SLC25A25: variants seen among roughly 807,000 people sequenced by gnomAD.
The protein encoded by SLC25A25 is mitochondrial adenyl nucleotide antiporter SLC25A25.
A neutral mutation model predicts 57.7 loss-of-function variants in SLC25A25; 32 were observed. The observed-to-expected ratio is 0.55, with a 90% CI of 0.42 to 0.74. The LOEUF is 0.74. SLC25A25 is among the 30% of genes least tolerant of loss of function. SLC25A25 has a pLI of 0.00. For synonymous variants in SLC25A25, 306 were observed against 291.2 expected, an observed-to-expected ratio of 1.05 and a Z score of -0.52; for missense variants, 556 against 701.3, an observed-to-expected ratio of 0.79 and a Z score of 2.34.
At chr9:128,098,744 C>A (rs749118269) in intron 1 of SLC25A25, 2 of 1,612,170 alleles carry the variant, frequency 1.2e-6, no homozygotes, top group South Asian at 1.1e-5. Flanking sequence ...GGTGACCGCG[C>A]GGAAGGGAGA....
At position 128,068,577 on chromosome 9, in the gene SLC25A25, C is replaced by T; in HGVS notation, c.258C>T (p.Leu86=). 2 of 1,413,774 alleles carry T rather than the reference C, an allele frequency of 1.4e-6. No individual in the cohort carries two copies. The highest frequency in any genetic ancestry group is 1.8e-6 in the Non-Finnish European group (2 of 1,086,462). The allele number at this position is 1,413,774 out of a possible 1,614,324, so 87.6% of individuals were successfully genotyped here. A position where few individuals can be genotyped will look rare whatever the true frequency, so the allele number is the denominator to read the frequency against. The part of the protein sequence containing the change: ...RLGLHRTEGE[L]QKIVQAGDKD... ...GACTGCACCGCACCGAGGGCGAGCT[C>T]CAGGTAGGCTGCGCGCGTCCTCAGC... Residue 86 remains leucine, a synonymous_variant, in exon 1 of 11, where the codon CTC becomes CTT. Coordinates refer to ENST00000373069, the MANE Select transcript of SLC25A25 (RefSeq NM_001330988.2).
In SLC25A25 at chr9:128,068,515, T is replaced by C. The variant is rs754518150; in HGVS notation, c.196T>C (p.Cys66Arg). 6.6e-7 allele frequency: 1 copy of C among 1,505,026 alleles called. No individual in the cohort carries two copies. The highest frequency in any genetic ancestry group is 8.8e-7 in the Non-Finnish European group (1 of 1,133,176). 93.2% of individuals were successfully genotyped at this position (1,505,026 alleles called of 1,614,324 possible). The stretch of plus-strand genomic sequence containing the variant: ...CGACGTCAACCGGGACGGCGGCCTG[T>C]GTGTCAACGACCTGGCGGTGGGGCT... ...TLDVNRDGGL[C>R]VNDLAVGLRR... Residue 66 changes from cysteine (C) to arginine (R), a missense_variant, in exon 1 of 11, where the codon TGT becomes CGT. By Grantham distance (180) the Cys-to-Arg change is radical. Transcript: ENST00000373069.
rs1300742449 is a variant in SLC25A25, at chr9:128,107,353, C to T, written c.1457C>T (p.Ala486Val). Residue 486 changes from alanine to valine, a missense_variant, in exon 11 of 11, where the codon GCC becomes GTC. Ala to Val is a moderately conservative substitution (Grantham distance 64). This residue lies in a region of SLC25A25 where 294 missense variants were observed against 389.6 expected (regional missense o/e 0.75). Coordinates refer to ENST00000373069, the MANE Select transcript of SLC25A25 (RefSeq NM_001330988.2). Reference protein sequence around the residue: ...EGAFGLYRGLAPNFMKVIPAV... With the variant: ...EGAFGLYRGLVPNFMKVIPAV... ...GCCTTCGGGCTGTACAGGGGGCTGG[C>T]CCCCAACTTCATGAAGGTCATCCCA... 2.6e-6 allele frequency: 4 copies of T among 1,517,342 alleles called. No homozygotes were observed. Among genetic ancestry groups the T allele is most frequent in the Admixed American group, 2.2e-5 (1 of 45,594 alleles). The allele number at this position is 1,517,342 out of a possible 1,614,324, so 94.0% of individuals were successfully genotyped here. A position where few individuals can be genotyped will look rare whatever the true frequency, so the allele number is the denominator to read the frequency against.
At position 128,106,071 on chromosome 9, in the gene SLC25A25, G is replaced by A. The variant is rs1168329235; in HGVS notation, c.937-79G>A. On this transcript the variant is annotated intron_variant, in intron 7 of 10. Coordinates refer to ENST00000373069, the MANE Select transcript of SLC25A25 (RefSeq NM_001330988.2). ...TTCTGGGTAGCATAAAATGTGCCGGGGACTCCTGGAAGGGAGGGGCAGCAG... is the reference window on the plus strand; with the variant it reads ...TTCTGGGTAGCATAAAATGTGCCGGAGACTCCTGGAAGGGAGGGGCAGCAG... The A allele has an allele frequency of 9.5e-6, 15 of 1,579,444 alleles. No individual in the cohort carries two copies. The East Asian group carries it at 2.9e-4, about 31-fold the overall frequency.
intron 1 of SLC25A25, among the ~76,000 whole-genome samples, chr9:128,070,715 G>A (rs1226131759): frequency 2.0e-5 from 3 of 151,196 alleles, no homozygotes; most frequent in Non-Finnish European, 4.4e-5. Context: ...ACTTTGGGAG[G>A]CCAAGCCGGG....
intron 1 of SLC25A25, among the ~76,000 whole-genome samples, chr9:128,072,704 A>C (rs1417337676): frequency 6.6e-6 from 1 of 152,144 alleles, no homozygotes; most frequent in Non-Finnish European, 1.5e-5. Context: ...GGACAAAAAA[A>C]GGGAAGAGTT....
Position 128,107,404 on chromosome 9 carries a change from A to G in SLC25A25, c.1508A>G (p.Tyr503Cys), listed in dbSNP as rs1834095357. ...IPAVSISYVV[Y>C]ENLKITLGVQ... ...GCTGTGAGCATCAGCTACGTGGTCT[A>G]CGAGAACCTGAAGATCACCCTGGGC... The change falls in exon 11 of 11, where the codon TAC becomes TGC. Residue 503 changes from tyrosine to cysteine, a missense_variant. Physicochemically the swap from Tyr to Cys is radical, Grantham distance 194. This residue lies in a region of SLC25A25 where 294 missense variants were observed against 389.6 expected (regional missense o/e 0.75). Transcript: ENST00000373069. 1 of 1,509,236 alleles carries G rather than the reference A, an allele frequency of 6.6e-7. No homozygotes were observed. The highest frequency in any genetic ancestry group is 8.9e-7 in the Non-Finnish European group (1 of 1,128,018). 93.5% of individuals were successfully genotyped at this position (1,509,236 alleles called of 1,614,324 possible). A position where few individuals can be genotyped will look rare whatever the true frequency, so the allele number is the denominator to read the frequency against.
chr9:128,106,865 G>C (rs1311795411), intron 9 of SLC25A25, among the ~76,000 whole-genome samples, 164 bp from the exon 10 acceptor site: 1 of 152,150 alleles, frequency 6.6e-6, no homozygotes, highest in Non-Finnish European at 1.5e-5. Context: ...CCTTGTCCCG[G>C]AATTCCCAGT....
At chr9:128,080,294 G>C (rs748438571) in intron 1 of SLC25A25, among the ~76,000 whole-genome samples, 16 of 145,780 alleles carry the variant, frequency 1.1e-4, no homozygotes, top group Non-Finnish European at 1.9e-4. Flanking sequence ...AGGTTGCAGT[G>C]AGCTGAGATC....
At position 128,102,187 on chromosome 9, in the gene SLC25A25, C is replaced by T; in HGVS notation, c.512+72C>T. ...TGATCAGAGCGGGATTCTTGTGGGC[C>T]ATTATATTGCCATTGTTGTGCTAAG... On this transcript the variant is annotated intron_variant, in intron 4 of 10. Transcript: ENST00000373069. This position sits in a 1 kb window ranked among gnomAD's most constrained non-coding sequence, Gnocchi z 4.1. 6.6e-7 allele frequency: 1 copy of T among 1,524,668 alleles called. No individual in the cohort carries two copies. The highest frequency in any genetic ancestry group is 8.9e-7 in the Non-Finnish European group (1 of 1,123,302). The allele number at this position is 1,524,668 out of a possible 1,614,324, so 94.4% of individuals were successfully genotyped here.
chr9:128,080,455 T>G (rs1833130116), intron 1 of SLC25A25, among the ~76,000 whole-genome samples: 1 of 147,390 alleles, frequency 6.8e-6, no homozygotes, highest in African/African-American at 2.5e-5. Context: ...CCAGCTATGG[T>G]ACACACCTTC....
In SLC25A25 at chr9:128,068,477, T is replaced by A; in HGVS notation, c.158T>A (p.Leu53His). The change falls in exon 1 of 11, where the codon CTC becomes CAC. Residue 53 changes from leucine (L) to histidine (H), a missense_variant. Physicochemically the swap from Leu to His is moderately conservative, Grantham distance 99 (BLOSUM62 -3). Transcript: ENST00000373069. ...GPDHRLRLWR[L>H]FQTLDVNRDG... is the part of the protein sequence containing the mutation. ...GACCACCGGCTGCGCCTGTGGAGAC[T>A]CTTTCAGACGCTCGACGTCAACCGG... 4.6e-6 allele frequency: 7 copies of A among 1,526,670 alleles called. No individual in the cohort carries two copies. The highest frequency in any genetic ancestry group is 6.1e-6 in the Non-Finnish European group (7 of 1,145,066). 94.6% of individuals were successfully genotyped at this position (1,526,670 alleles called of 1,614,324 possible).
chr9:128,084,414 C>A (rs1056069647), intron 1 of SLC25A25, among the ~76,000 whole-genome samples: 1 of 152,062 alleles, frequency 6.6e-6, no homozygotes. Flanking sequence ...GCGCCCACCT[C>A]GGCCTCCCAA....
chr9:128,074,692 C>T (rs1832973768), intron 1 of SLC25A25, among the ~76,000 whole-genome samples: 1 of 151,984 alleles, frequency 6.6e-6, no homozygotes, highest in Admixed American at 6.6e-5. Context: ...CCGACAGAGC[C>T]AGACTCTGTC....
At chr9:128,076,030 C>A (rs1443153560) in intron 1 of SLC25A25, among the ~76,000 whole-genome samples, 1 of 151,894 alleles carries the variant, frequency 6.6e-6, no homozygotes, top group Admixed American at 6.6e-5. Context: ...AGACCTAAGC[C>A]ACTGTACCCA....
At chr9:128,098,322 T>C (rs1427406694) in intron 1 of SLC25A25, 2 of 514,916 alleles carry the variant, frequency 3.9e-6, no homozygotes, top group Non-Finnish European at 6.2e-6. Flanking sequence ...TCAGCCCTGA[T>C]CTTTGTGCCT....
rs146012790 is a variant in SLC25A25, at chr9:128,099,740, C to T, written c.262-1356C>T. 1.3e-5 allele frequency among the ~76,000 whole-genome samples: 2 copies of T among 152,326 alleles called. No homozygotes were observed. Among genetic ancestry groups the T allele is most frequent in the African/African-American group, 2.4e-5 (1 of 41,566 alleles). On this transcript the variant is annotated intron_variant, in intron 1 of 10. Transcript: ENST00000373069. The surrounding 1 kb of genome is among the most constrained non-coding windows in gnomAD (Gnocchi z 6.8). The stretch of plus-strand genomic sequence containing the variant: ...TGTTCAGGCCTCCCTGCCCCTGACA[C>T]CTTTGGCAGCTGAGGAATCACAAGG...
chr9:128,107,446 G>T lies in SLC25A25; in HGVS notation c.*2G>T, dbSNP rs201844320. ...ACCCTGGGCGTGCAGTCGCGGTGAC[G>T]GGGGGAGGGCCGCCCGGCAGTGGAC... On this transcript the variant is annotated 3_prime_UTR_variant, in exon 11 of 11. Coordinates refer to ENST00000373069, the MANE Select transcript of SLC25A25 (RefSeq NM_001330988.2). 8.0e-6 allele frequency: 12 copies of T among 1,504,000 alleles called. No homozygotes were observed. Among genetic ancestry groups the T allele is most frequent in the South Asian group, 1.4e-5 (1 of 73,326 alleles). 93.2% of individuals were successfully genotyped at this position (1,504,000 alleles called of 1,614,324 possible).
chr9:128,085,037 A>T (rs1021297832), intron 1 of SLC25A25, among the ~76,000 whole-genome samples: 2 of 152,160 alleles, frequency 1.3e-5, no homozygotes, highest in Non-Finnish European at 2.9e-5. Flanking sequence ...TGTTTTAAAA[A>T]ATATATATTG....
Sources: gnomAD v4.1 joint callset for allele counts (sites outside exome capture counted in the v4.1 genomes callset) on GRCh38, gnomAD v4.1.1 for gene constraint, gnomAD v4.1.1 regional missense constraint, Gnocchi (gnomAD v3.1) non-coding constraint, MANE v1.5 for transcripts, NCBI Gene and HGNC (gene_info 2026-07-23, HGNC 2026-07-21) for gene names.